AFG2A: variants seen among roughly 807,000 people sequenced by gnomAD.
The protein encoded by AFG2A is ATPase family gene 2 protein homolog A.
At chr4:123,081,206 A>G in the AFG2A span, among the ~76,000 whole-genome samples, 1 of 152,214 alleles carries the variant, frequency 6.6e-6, no homozygotes, top group Non-Finnish European at 1.5e-5. Flanking sequence ...CTACCATGAT[A>G]CTGTCGTACA....
the AFG2A span, among the ~76,000 whole-genome samples, chr4:123,030,080 C>A: frequency 2.0e-5 from 3 of 152,164 alleles, no homozygotes; most frequent in East Asian, 5.8e-4. Flanking sequence ...TTTTTACTCT[C>A]ATCTCCATTT....
chr4:123,008,673 A>G, the AFG2A span, among the ~76,000 whole-genome samples: 627 of 152,270 alleles, frequency 4.1e-3, 2 homozygotes, highest in Non-Finnish European at 7.4e-3. Flanking sequence ...AAAGCTTATT[A>G]AGAATGAAAT....
chr4:123,243,966 G>A, the AFG2A span, among the ~76,000 whole-genome samples: 3 of 152,106 alleles, frequency 2.0e-5, no homozygotes, highest in Admixed American at 6.5e-5. Flanking sequence ...AGTCTGTAGT[G>A]AGCCATGATC....
chr4:123,248,577 C>G, the AFG2A span, among the ~76,000 whole-genome samples: 3 of 152,146 alleles, frequency 2.0e-5, no homozygotes, highest in African/African-American at 2.4e-5. Context: ...GAGCTGATCC[C>G]TCTATCAGGT....
At chr4:123,249,701 G>C in the AFG2A span, among the ~76,000 whole-genome samples, 2 of 152,110 alleles carry the variant, frequency 1.3e-5, no homozygotes, top group African/African-American at 4.8e-5. Context: ...TGAATAAAAT[G>C]AATATGATTC....
chr4:123,304,942 G>A, the AFG2A span, among the ~76,000 whole-genome samples: 1 of 152,194 alleles, frequency 6.6e-6, no homozygotes, highest in Admixed American at 6.5e-5. Context: ...TTGCTGCATA[G>A]CCATGACCTT....
chr4:123,075,940 AG>A, the AFG2A span, among the ~76,000 whole-genome samples: 3 of 149,560 alleles, frequency 2.0e-5, no homozygotes, highest in Non-Finnish European at 3.0e-5. Flanking sequence ...CTGGGCAACA[AG>A]GGCGAAACTC....
At chr4:123,064,883 T>C in the AFG2A span, among the ~76,000 whole-genome samples, 138 of 152,286 alleles carry the variant, frequency 9.1e-4, no homozygotes, top group Non-Finnish European at 1.8e-3. Flanking sequence ...GTAATGTGAC[T>C]CCTTTTGTTT....
the AFG2A span, among the ~76,000 whole-genome samples, chr4:123,277,317 G>T: frequency 6.6e-6 from 1 of 152,076 alleles, no homozygotes; most frequent in African/African-American, 2.4e-5. Flanking sequence ...ACTGATTTTT[G>T]TACATTGATT....
chr4:123,293,987 A>G, the AFG2A span, among the ~76,000 whole-genome samples: 4 of 152,212 alleles, frequency 2.6e-5, no homozygotes, highest in East Asian at 1.9e-4. Flanking sequence ...CATTTGGGCT[A>G]TGATTATTCA....
the AFG2A span, among the ~76,000 whole-genome samples, chr4:123,168,751 A>G: frequency 1.3e-5 from 2 of 152,212 alleles, no homozygotes; most frequent in African/African-American, 4.8e-5. Context: ...ATTTTGTTGT[A>G]TACTAAAAGC....
At chr4:123,158,075 A>G in the AFG2A span, among the ~76,000 whole-genome samples, 17 of 152,290 alleles carry the variant, frequency 1.1e-4, no homozygotes, top group Non-Finnish European at 1.8e-4. Context: ...CTGTGGCATT[A>G]CTAGGGTAGT....
chr4:123,311,540 T>A, the AFG2A span, among the ~76,000 whole-genome samples: 1 of 146,412 alleles, frequency 6.8e-6, no homozygotes, highest in Non-Finnish European at 1.5e-5. Context: ...GGCAGAAGAA[T>A]CGCTTGAACC....
chr4:123,065,961 T>G, the AFG2A span, among the ~76,000 whole-genome samples: 5 of 152,142 alleles, frequency 3.3e-5, no homozygotes, highest in African/African-American at 1.2e-4. Flanking sequence ...TCAAATATAT[T>G]TAAAAAAATG....
the AFG2A span, among the ~76,000 whole-genome samples, chr4:123,138,533 T>A: frequency 2.6e-5 from 4 of 152,196 alleles, no homozygotes; most frequent in Admixed American, 1.3e-4. Context: ...ATTGTTGAAC[T>A]AGTTTTGGAA....
At chr4:123,129,605 T>G in the AFG2A span, among the ~76,000 whole-genome samples, 2 of 152,226 alleles carry the variant, frequency 1.3e-5, no homozygotes, top group Non-Finnish European at 2.9e-5. Context: ...TTGTTTTACG[T>G]GACACAGTAA....
the AFG2A span, among the ~76,000 whole-genome samples, chr4:123,302,065 A>G: frequency 6.6e-6 from 1 of 152,172 alleles, no homozygotes; most frequent in African/African-American, 2.4e-5. Context: ...AAGAAGTCTG[A>G]CAGATGAGGA....
At chr4:123,050,830 T>G in the AFG2A span, among the ~76,000 whole-genome samples, 2 of 151,800 alleles carry the variant, frequency 1.3e-5, no homozygotes, top group Admixed American at 1.3e-4. Context: ...CTGCAACCTC[T>G]GCCTCCTGGG....
At chr4:123,019,652 T>C in the AFG2A span, among the ~76,000 whole-genome samples, 2 of 152,218 alleles carry the variant, frequency 1.3e-5, no homozygotes, top group Admixed American at 6.5e-5. Context: ...TTGAGAATTA[T>C]AAAGCTGTTT....
Sources: allele counts gnomAD v4.1 joint callset (sites outside exome capture counted in the v4.1 genomes callset), GRCh38; gene constraint gnomAD v4.1.1; transcripts MANE v1.5; gene names NCBI Gene and HGNC (gene_info 2026-07-23, HGNC 2026-07-21).